NPAS2: variants seen among roughly 807,000 people sequenced by gnomAD.
The protein encoded by NPAS2 is neuronal PAS domain-containing protein 2.
In NPAS2, 23 loss-of-function variants were observed where a neutral mutation model predicts 107.5. That is an observed-to-expected ratio of 0.21 (90% CI 0.15 to 0.30). The LOEUF (loss-of-function observed/expected upper bound fraction) is 0.30. NPAS2 is among the 10% of genes least tolerant of loss of function. The pLI is 1.00. For missense variants in NPAS2, 756 were observed against 1,043.3 expected (o/e 0.72, Z 3.79); for synonymous variants, 403 against 417.5 (o/e 0.97, Z 0.42).
At chr2:100,934,781 G>A in intron 4 of NPAS2, 1 of 985,416 alleles carries the variant, frequency 1.0e-6, no homozygotes, top group Non-Finnish European at 1.2e-6. Flanking sequence ...AGCTCCCACG[G>A]TGATGTCACC....
At chr2:100,957,844 C>A (rs1573720199) in intron 7 of NPAS2, among the ~76,000 whole-genome samples, 1 of 152,172 alleles carries the variant, frequency 6.6e-6, no homozygotes, top group Non-Finnish European at 1.5e-5. Flanking sequence ...AGGAGAATGG[C>A]GTGAACCCGG....
At chr2:100,824,499 G>A (rs1676256194) in intron 1 of NPAS2, among the ~76,000 whole-genome samples, 1 of 152,202 alleles carries the variant, frequency 6.6e-6, no homozygotes, top group Non-Finnish European at 1.5e-5. Flanking sequence ...AGGGGCATTG[G>A]TCTATTCTGT....
At chr2:100,853,974 CAAA>C (rs5832937) in intron 1 of NPAS2, among the ~76,000 whole-genome samples, 7 of 116,224 alleles carry the variant, frequency 6.0e-5, no homozygotes, top group Admixed American at 1.8e-4. Context: ...CAGCCCACGA[CAAA>C]AAAAAAAAAA....
intron 1 of NPAS2, among the ~76,000 whole-genome samples, chr2:100,895,662 C>T (rs562143131): frequency 1.3e-5 from 2 of 152,094 alleles, no homozygotes; most frequent in Admixed American, 6.5e-5. Context: ...TGATTAGATT[C>T]CCCAGCTGGT....
intron 1 of NPAS2, among the ~76,000 whole-genome samples, chr2:100,899,361 T>G (rs1336756392): frequency 6.6e-6 from 1 of 151,930 alleles, no homozygotes. Flanking sequence ...GTAGCTGGGA[T>G]TACAGGTGTG....
chr2:100,965,077 G>A lies in NPAS2; in HGVS notation c.800+134G>A, dbSNP rs771330638. ...GGACTCTCTGGCACTAGGAAAAGTCGTCCCTGCCAAGGGTGGGTGGTTTCC... is the reference window on the plus strand; with the variant it reads ...GGACTCTCTGGCACTAGGAAAAGTCATCCCTGCCAAGGGTGGGTGGTTTCC... On this transcript the variant is annotated intron_variant, in intron 9 of 20. Coordinates refer to ENST00000335681, the MANE Select transcript of NPAS2 (RefSeq NM_002518.4). This position sits in a 1 kb window ranked among gnomAD's most constrained non-coding sequence, Gnocchi z 4.3. 5.2e-5 allele frequency: 30 copies of A among 579,510 alleles called. No homozygotes were observed. Among genetic ancestry groups the A allele is most frequent in the Admixed American group, 2.7e-4 (7 of 25,582 alleles). 35.9% of individuals were successfully genotyped at this position (579,510 alleles called of 1,614,324 possible).
chr2:100,946,017 A>T (rs193259143), intron 5 of NPAS2, among the ~76,000 whole-genome samples: 420 of 152,260 alleles, frequency 2.8e-3, no homozygotes, highest in Non-Finnish European at 4.7e-3. Flanking sequence ...CTCCTGTTGG[A>T]GAGAGGGAGG....
At chr2:100,928,968 A>G (rs900954621) in intron 3 of NPAS2, among the ~76,000 whole-genome samples, 5 of 152,062 alleles carry the variant, frequency 3.3e-5, no homozygotes, top group Non-Finnish European at 5.9e-5. Flanking sequence ...CAGTGGTGCA[A>G]TTTCAGCTTA....
At chr2:100,821,882 G>A (rs1676094364) in intron 1 of NPAS2, among the ~76,000 whole-genome samples, 1 of 152,212 alleles carries the variant, frequency 6.6e-6, no homozygotes, top group Admixed American at 6.5e-5. Flanking sequence ...CAAAAATTCA[G>A]TGTTTCATTA....
chr2:100,994,236 C>T (rs1305376137), intron 20 of NPAS2: 1 of 152,406 alleles, frequency 6.6e-6, no homozygotes, highest in Non-Finnish European at 1.5e-5. Context: ...CCCACCTGCA[C>T]CTGCAAAGCC....
At chr2:100,854,467 C>A (rs1227750644) in intron 1 of NPAS2, among the ~76,000 whole-genome samples, 1 of 152,202 alleles carries the variant, frequency 6.6e-6, no homozygotes, top group African/African-American at 2.4e-5. Context: ...CTGAGACAGA[C>A]TATGACTCTA....
intron 2 of NPAS2, among the ~76,000 whole-genome samples, chr2:100,919,396 A>G (rs1683084949): frequency 6.6e-6 from 1 of 152,152 alleles, no homozygotes; most frequent in Admixed American, 6.5e-5. Context: ...ACAAAAACAA[A>G]AAAACGTTTT....
chr2:100,840,882 G>A (rs1276070137), intron 1 of NPAS2, among the ~76,000 whole-genome samples: 1 of 152,134 alleles, frequency 6.6e-6, no homozygotes, highest in African/African-American at 2.4e-5. Flanking sequence ...ATAAGCACGA[G>A]GAAGTCTAGA....
intron 1 of NPAS2, among the ~76,000 whole-genome samples, chr2:100,900,643 C>T (rs1201468275): frequency 6.6e-6 from 1 of 152,154 alleles, no homozygotes; most frequent in African/African-American, 2.4e-5. Flanking sequence ...TTAATGTTGA[C>T]CAGTAGGTGA....
chr2:100,966,539 T>G (rs1326287809), intron 10 of NPAS2, among the ~76,000 whole-genome samples: 1 of 151,558 alleles, frequency 6.6e-6, no homozygotes, highest in East Asian at 1.9e-4. Flanking sequence ...AATCGACCAC[T>G]AACATTGTGC....
chr2:100,941,181 C>T (rs570545586), intron 5 of NPAS2, among the ~76,000 whole-genome samples: 1 of 152,340 alleles, frequency 6.6e-6, no homozygotes, highest in African/African-American at 2.4e-5. Flanking sequence ...GATTTTCGTA[C>T]AGCAATTTCT....
intron 1 of NPAS2, among the ~76,000 whole-genome samples, chr2:100,827,275 T>A (rs1394855624): frequency 1.3e-5 from 2 of 152,228 alleles, no homozygotes; most frequent in African/African-American, 4.8e-5. Flanking sequence ...ATCCATCAGA[T>A]TTACAGTCAG....
At chr2:100,986,770 A>G (rs956561152) in intron 16 of NPAS2, 4 of 152,208 alleles carry the variant, frequency 2.6e-5, no homozygotes, top group African/African-American at 9.6e-5. Context: ...ATTTTTATTT[A>G]TGTTCAATTA....
intron 1 of NPAS2, among the ~76,000 whole-genome samples, chr2:100,850,933 A>G: frequency 6.9e-6 from 1 of 144,244 alleles, no homozygotes; most frequent in East Asian, 2.2e-4. Context: ...AGCCTGGGCA[A>G]CAAGAGTGAA....
Sources: allele counts gnomAD v4.1 joint callset (sites outside exome capture counted in the v4.1 genomes callset), GRCh38; gene constraint gnomAD v4.1.1; non-coding constraint Gnocchi (gnomAD v3.1); transcripts MANE v1.5; gene names NCBI Gene and HGNC (gene_info 2026-07-23, HGNC 2026-07-21).